Variants in PTPRG observed in about 807,000 individuals in gnomAD.
The protein encoded by PTPRG is protein tyrosine phosphatase receptor type G, also known as receptor-type tyrosine-protein phosphatase gamma.
Under a neutral mutation model 165.3 loss-of-function variants are expected in PTPRG, and 102 were observed. The observed-to-expected ratio is 0.62, with a 90% CI of 0.53 to 0.73. PTPRG has a LOEUF of 0.73. PTPRG is among the 30% of genes least tolerant of loss of function. The probability of loss-of-function intolerance (pLI) is 0.00; values close to 1 mark genes in which losing one functional copy is unlikely to be tolerated. For missense variants in PTPRG, 1,866 were observed against 1,861.4 expected (o/e 1.00, Z -0.05); for synonymous variants, 675 against 669.5 (o/e 1.01, Z -0.13).
chr3:61,618,406 T>A (rs935669095), intron 1 of PTPRG, among the ~76,000 whole-genome samples: 2 of 152,208 alleles, frequency 1.3e-5, no homozygotes, highest in African/African-American at 2.4e-5. Context: ...GAATTGTGAA[T>A]TCACATTGCA....
chr3:61,589,322 C>T (rs1190010199), intron 1 of PTPRG, among the ~76,000 whole-genome samples: 2 of 152,112 alleles, frequency 1.3e-5, no homozygotes, highest in East Asian at 1.9e-4. Flanking sequence ...TACTCTAATA[C>T]CATCTCATTA....
chr3:61,916,534 G>A (rs137912382), intron 2 of PTPRG, among the ~76,000 whole-genome samples: 2 of 152,268 alleles, frequency 1.3e-5, no homozygotes, highest in Admixed American at 1.3e-4. Context: ...ACCTTTCTGT[G>A]TGTGCTGTAA....
At chr3:62,263,881 C>T (rs936718502) in intron 17 of PTPRG, 18 of 152,386 alleles carry the variant, frequency 1.2e-4, no homozygotes, top group African/African-American at 3.9e-4. Flanking sequence ...GGCACAGTGA[C>T]TCACGCCTGT....
At position 61,803,974 on chromosome 3, in the gene PTPRG, G is replaced by A. The variant is rs1474687986; in HGVS notation, c.190+54992G>A. On this transcript the variant is annotated intron_variant, in intron 2 of 29. Transcript: ENST00000474889. ...CTTAGAGTTGATTTATGGTTCAGAG[G>A]GATATTCTGGAAAATGCTTAGATCA... 3.9e-5 allele frequency among the ~76,000 whole-genome samples: 6 copies of A among 152,108 alleles called. 1 individual carries two copies. The highest frequency in any genetic ancestry group is 2.6e-4 in the Admixed American group (4 of 15,266).
At position 62,273,087 on chromosome 3, in the gene PTPRG, G is replaced by T. The variant is rs766952513; in HGVS notation, c.3318+6G>T. The T allele has an allele frequency of 8.1e-6, 13 of 1,602,930 alleles. No homozygotes were observed. Among genetic ancestry groups the T allele is most frequent in the Non-Finnish European group, 8.5e-7 (1 of 1,176,088 alleles). On this transcript the variant is annotated splice_donor_region_variant and intron_variant, in intron 22 of 29. Transcript: ENST00000474889. This position sits in a 1 kb window ranked among gnomAD's most constrained non-coding sequence, Gnocchi z 4.1. The stretch of plus-strand genomic sequence containing the variant: ...ACTACCTCGTCCAGACTGAGGTAAG[G>T]AGTAGCTGCCAGCGTCCTCACGACA...
chr3:61,978,673 A>C (rs2040565973), intron 2 of PTPRG, among the ~76,000 whole-genome samples: 1 of 152,192 alleles, frequency 6.6e-6, no homozygotes, highest in African/African-American at 2.4e-5. Context: ...GGGAAGCAAT[A>C]TTTTGTGATT....
chr3:61,856,565 C>T lies in PTPRG; in HGVS notation c.190+107583C>T, dbSNP rs1284868937. Among the ~76,000 whole-genome samples, 4 of 152,100 alleles carry T rather than the reference C, an allele frequency of 2.6e-5. No homozygotes were observed. In the East Asian group the frequency reaches 7.7e-4, roughly 29 times the overall value. On this transcript the variant is annotated intron_variant, in intron 2 of 29. Coordinates refer to ENST00000474889, the MANE Select transcript of PTPRG (RefSeq NM_002841.4). ...TCCATACTTTTTTTCTCATTGCATG[C>T]ATACAAGTGTATTCCCGTATTTTGA... is the stretch of plus-strand genomic sequence containing the variant.
chr3:61,593,328 G>C (rs1194983057), intron 1 of PTPRG, among the ~76,000 whole-genome samples: 2 of 150,948 alleles, frequency 1.3e-5, no homozygotes, highest in African/African-American at 4.9e-5. Context: ...ATTGCTTTTA[G>C]ATGTTCCTAT....
intron 2 of PTPRG, among the ~76,000 whole-genome samples, chr3:61,834,118 A>C (rs2036390562): frequency 6.6e-6 from 1 of 152,208 alleles, no homozygotes; most frequent in African/African-American, 2.4e-5. Flanking sequence ...GTCAAAGAAC[A>C]CATTTGCCTT....
intron 2 of PTPRG, among the ~76,000 whole-genome samples, chr3:61,969,305 A>T (rs1368945223): frequency 6.6e-6 from 1 of 152,202 alleles, no homozygotes; most frequent in Non-Finnish European, 1.5e-5. Context: ...AGCTCAGTAC[A>T]TGTAAGGTCT....
chr3:62,207,495 G>A (rs563723537), intron 12 of PTPRG, among the ~76,000 whole-genome samples: 5 of 152,116 alleles, frequency 3.3e-5, no homozygotes, highest in South Asian at 4.2e-4. Context: ...TAATGAAATC[G>A]CCATCATTTT....
At position 61,734,068 on chromosome 3, in the gene PTPRG, C is replaced by T. The variant is rs369165914; in HGVS notation, c.86-14810C>T. Among the ~76,000 whole-genome samples, 17 of 152,314 alleles carry T rather than the reference C, an allele frequency of 1.1e-4. No individual in the cohort carries two copies. In the East Asian group the frequency reaches 2.3e-3, roughly 21 times the overall value. ...AAGTACTGCGATTACAGGCATGAGC[C>T]ACCACGCCCAGCCAACATCTGTTCA... On this transcript the variant is annotated intron_variant, in intron 1 of 29. Transcript: ENST00000474889.
intron 2 of PTPRG, among the ~76,000 whole-genome samples, chr3:61,820,767 A>C (rs9827936): frequency 1.1e-3 from 163 of 152,112 alleles, no homozygotes; most frequent in African/African-American, 3.8e-3. Flanking sequence ...TAGCTATAGC[A>C]TTCATCTTCA....
chr3:61,795,492 T>C (rs2035015410), intron 2 of PTPRG, among the ~76,000 whole-genome samples: 1 of 151,356 alleles, frequency 6.6e-6, no homozygotes, highest in Non-Finnish European at 1.5e-5. Flanking sequence ...ATACAAAAAT[T>C]AGCCGGGCAT....
rs559356526 is a variant in PTPRG at position 61,988,413 on chromosome 3, G to A, written c.191-1212G>A. Reference sequence around the variant, plus strand: ...GAAAGCCATGGCAAATGATTGGGTGGCAGCCACTCATGTGGACTCTTATTT... The same window carrying A: ...GAAAGCCATGGCAAATGATTGGGTGACAGCCACTCATGTGGACTCTTATTT... On this transcript the variant is annotated intron_variant, in intron 2 of 29. Coordinates refer to ENST00000474889, the MANE Select transcript of PTPRG (RefSeq NM_002841.4). Among the ~76,000 whole-genome samples the A allele has an allele frequency of 2.0e-5, 3 of 152,232 alleles. No homozygotes were observed. In the East Asian group the frequency reaches 5.8e-4, roughly 29 times the overall value.
chr3:61,903,277 C>T (rs992602081), intron 2 of PTPRG, among the ~76,000 whole-genome samples: 2 of 152,214 alleles, frequency 1.3e-5, no homozygotes, highest in Non-Finnish European at 2.9e-5. Flanking sequence ...AATTTACCAC[C>T]TCAGGCTTTC....
intron 2 of PTPRG, chr3:61,750,596 G>C (rs1378264784): frequency 6.6e-6 from 1 of 152,084 alleles, no homozygotes; most frequent in Non-Finnish European, 1.5e-5. Flanking sequence ...TCAAGAGTTG[G>C]CACACTTTTT....
intron 6 of PTPRG, among the ~76,000 whole-genome samples, chr3:62,147,835 G>A (rs1704179476): frequency 6.6e-6 from 1 of 152,174 alleles, no homozygotes; most frequent in African/African-American, 2.4e-5. Context: ...AAGGAATGCT[G>A]GAAAGGAAAT....
intron 1 of PTPRG, among the ~76,000 whole-genome samples, chr3:61,743,996 C>G (rs2033101637): frequency 6.6e-6 from 1 of 152,132 alleles, no homozygotes; most frequent in Non-Finnish European, 1.5e-5. Context: ...CATAGCCATA[C>G]CATATCATTG....
Sources: allele counts gnomAD v4.1 joint callset (sites outside exome capture counted in the v4.1 genomes callset), GRCh38; gene constraint gnomAD v4.1.1; non-coding constraint Gnocchi (gnomAD v3.1); transcripts MANE v1.5; gene names NCBI Gene and HGNC (gene_info 2026-07-23, HGNC 2026-07-21).